Variants in CHSY1 observed in about 807,000 individuals in gnomAD.
The protein encoded by CHSY1 is chondroitin sulfate synthase 1.
CHSY1 carries 13 observed loss-of-function variants against 59.8 expected under a neutral mutation model. The observed-to-expected ratio is 0.22, with a 90% CI of 0.14 to 0.35. The LOEUF (loss-of-function observed/expected upper bound fraction) is 0.35, where lower values mean the gene tolerates loss of function less well. Among genes scored for constraint, CHSY1 ranks in the 10% least tolerant of loss-of-function variants. The probability of loss-of-function intolerance (pLI) is 1.00; values close to 1 mark genes in which losing one functional copy is unlikely to be tolerated. For synonymous variants in CHSY1, 459 were observed against 401.2 expected (o/e 1.14, Z -1.72); for missense variants, 947 against 1,030.6 (o/e 0.92, Z 1.11).
chr15:101,183,624 T>C (rs868227677), intron 2 of CHSY1, among the ~76,000 whole-genome samples: 15 of 152,190 alleles, frequency 9.9e-5, no homozygotes, highest in Admixed American at 7.2e-4. Context: ...GTAAAGAAGA[T>C]GACAGGATCC....
intron 2 of CHSY1, among the ~76,000 whole-genome samples, chr15:101,203,045 T>C (rs150455235): frequency 1.3e-5 from 2 of 152,264 alleles, no homozygotes; most frequent in African/African-American, 2.4e-5. Context: ...AATGTGACAA[T>C]GGGATTCAGT....
intron 2 of CHSY1, among the ~76,000 whole-genome samples, chr15:101,219,094 G>A (rs192050010): frequency 2.0e-5 from 3 of 152,306 alleles, no homozygotes; most frequent in South Asian, 4.1e-4. Flanking sequence ...CTGTTTTAGG[G>A]AAGAACGGAA....
chr15:101,230,175 C>G (rs985280372), intron 2 of CHSY1, among the ~76,000 whole-genome samples: 6 of 152,076 alleles, frequency 3.9e-5, no homozygotes, highest in African/African-American at 1.4e-4. Flanking sequence ...CTCCTGACCT[C>G]AGGTGATCCA....
chr15:101,248,428 C>T (rs976684914), intron 1 of CHSY1, among the ~76,000 whole-genome samples: 3 of 152,218 alleles, frequency 2.0e-5, no homozygotes, highest in Non-Finnish European at 4.4e-5. Flanking sequence ...AGGGCAGGTC[C>T]ACCTCCAGGC....
At chr15:101,225,159 T>G (rs1357708965) in intron 2 of CHSY1, among the ~76,000 whole-genome samples, 3 of 151,932 alleles carry the variant, frequency 2.0e-5, no homozygotes, top group Non-Finnish European at 4.4e-5. Context: ...GCCTCAACCT[T>G]CCAGGCTCAA....
At chr15:101,217,597 G>C (rs2038747485) in intron 2 of CHSY1, among the ~76,000 whole-genome samples, 1 of 152,236 alleles carries the variant, frequency 6.6e-6, no homozygotes, top group Middle Eastern at 3.2e-3. Flanking sequence ...AGAGGTGCAG[G>C]AGTGCAGAAG....
intron 2 of CHSY1, among the ~76,000 whole-genome samples, chr15:101,227,847 G>T (rs2038855825): frequency 6.6e-6 from 1 of 152,014 alleles, no homozygotes; most frequent in Non-Finnish European, 1.5e-5. Context: ...AGACTTCCGT[G>T]GCCACATACA....
chr15:101,237,819 TAAATA>T (rs1329472438), intron 1 of CHSY1, among the ~76,000 whole-genome samples: 6 of 152,310 alleles, frequency 3.9e-5, no homozygotes, highest in African/African-American at 7.2e-5. Context: ...TCGTGGAGAA[TAAATA>T]AAATAGTAAA....
At chr15:101,212,288 C>A (rs892790230) in intron 2 of CHSY1, among the ~76,000 whole-genome samples, 2 of 152,148 alleles carry the variant, frequency 1.3e-5, no homozygotes, top group Non-Finnish European at 2.9e-5. Flanking sequence ...TATACCTATC[C>A]TCTGACCGAG....
At chr15:101,227,613 T>C (rs577991460) in intron 2 of CHSY1, among the ~76,000 whole-genome samples, 28 of 152,204 alleles carry the variant, frequency 1.8e-4, no homozygotes, top group South Asian at 4.1e-4. Flanking sequence ...TGGGAGTGTG[T>C]GCATGTTCAG....
At chr15:101,225,955 A>G (rs2038838056) in intron 2 of CHSY1, among the ~76,000 whole-genome samples, 1 of 152,168 alleles carries the variant, frequency 6.6e-6, no homozygotes. Flanking sequence ...AGGCTCTCAC[A>G]ATCACAGGAC....
intron 1 of CHSY1, among the ~76,000 whole-genome samples, chr15:101,248,557 A>G (rs2039073497): frequency 6.6e-6 from 1 of 152,238 alleles, no homozygotes; most frequent in Admixed American, 6.5e-5. Flanking sequence ...AGAAAGGCAG[A>G]GGTGTCAAAA....
intron 1 of CHSY1, among the ~76,000 whole-genome samples, chr15:101,250,860 C>T (rs1293569590): frequency 1.3e-5 from 2 of 152,226 alleles, no homozygotes; most frequent in African/African-American, 4.8e-5. Context: ...CTTCGATTTG[C>T]AAAGGCTAAA....
intron 2 of CHSY1, among the ~76,000 whole-genome samples, chr15:101,184,417 G>A (rs2038325302): frequency 6.7e-6 from 1 of 148,692 alleles, no homozygotes; most frequent in South Asian, 2.1e-4. Flanking sequence ...GTCTCCTTCT[G>A]TCATCCAGGC....
intron 2 of CHSY1, among the ~76,000 whole-genome samples, chr15:101,210,795 G>C (rs943522030): frequency 6.6e-6 from 1 of 152,122 alleles, no homozygotes; most frequent in Non-Finnish European, 1.5e-5. Context: ...TAAATACAAT[G>C]TTTGTGATTC....
At chr15:101,188,031 C>T (rs1486621469) in intron 2 of CHSY1, 2 of 985,368 alleles carry the variant, frequency 2.0e-6, no homozygotes, top group Admixed American at 1.2e-4. Flanking sequence ...TTCTTGTCCG[C>T]TGCAAGGAGA....
At chr15:101,220,905 C>T (rs978678958) in intron 2 of CHSY1, among the ~76,000 whole-genome samples, 5 of 152,174 alleles carry the variant, frequency 3.3e-5, no homozygotes, top group Admixed American at 6.5e-5. Flanking sequence ...CTCAGCTGGA[C>T]GAGCAGCCCC....
intron 2 of CHSY1, among the ~76,000 whole-genome samples, chr15:101,198,940 T>C (rs1054447875): frequency 4.6e-5 from 7 of 152,192 alleles, no homozygotes; most frequent in Non-Finnish European, 8.8e-5. Context: ...TCCAGAGCCT[T>C]CACCTTTATG....
intron 2 of CHSY1, among the ~76,000 whole-genome samples, chr15:101,220,366 A>G (rs1252471868): frequency 6.6e-6 from 1 of 152,136 alleles, no homozygotes; most frequent in Non-Finnish European, 1.5e-5. Context: ...TGGTATTTGT[A>G]TATCAAGCCT....
Sources: allele counts gnomAD v4.1 joint callset (sites outside exome capture counted in the v4.1 genomes callset), GRCh38; gene constraint gnomAD v4.1.1; transcripts MANE v1.5; gene names NCBI Gene and HGNC (gene_info 2026-07-23, HGNC 2026-07-21).